HSPA12A: variants seen among roughly 807,000 people sequenced by gnomAD.
HSPA12A encodes heat shock protein family A (Hsp70) member 12A, also known as heat shock 70 kDa protein 12A.
Under a neutral mutation model 69.2 loss-of-function variants are expected in HSPA12A, and 28 were observed. That is an observed-to-expected ratio of 0.40 (90% CI 0.30 to 0.55). The LOEUF (loss-of-function observed/expected upper bound fraction) is 0.55, where lower values mean the gene tolerates loss of function less well. HSPA12A is among the 20% of genes least tolerant of loss of function. The probability of loss-of-function intolerance (pLI) is 0.38; values close to 1 mark genes in which losing one functional copy is unlikely to be tolerated. For missense variants in HSPA12A, 686 were observed against 900.7 expected (o/e 0.76, Z 3.05); for synonymous variants, 345 against 370.5 (o/e 0.93, Z 0.79).
At chr10:116,683,101 T>G (rs540971682) in intron 7 of HSPA12A, among the ~76,000 whole-genome samples, 4 of 151,756 alleles carry the variant, frequency 2.6e-5, no homozygotes, top group Non-Finnish European at 5.9e-5. Context: ...CCCATAGTGC[T>G]CTCACTTAGC....
At chr10:116,771,999 A>G (rs755189339) in intron 2 of HSPA12A, among the ~76,000 whole-genome samples, 23 of 152,200 alleles carry the variant, frequency 1.5e-4, no homozygotes, top group Non-Finnish European at 2.1e-4. Context: ...CCACATTTCC[A>G]GGTGAGCTAC....
chr10:116,844,735 G>A (rs1845852335), intron 1 of HSPA12A, among the ~76,000 whole-genome samples: 1 of 152,126 alleles, frequency 6.6e-6, no homozygotes, highest in African/African-American at 2.4e-5. Context: ...TCAAGTGTGG[G>A]AAAGAAGAAT....
At chr10:116,740,399 A>G (rs895031943) in intron 1 of HSPA12A, among the ~76,000 whole-genome samples, 1 of 152,184 alleles carries the variant, frequency 6.6e-6, no homozygotes, top group Non-Finnish European at 1.5e-5. Flanking sequence ...CACATCCTCC[A>G]TTTTACAGAT....
chr10:116,798,617 C>T (rs948461492), intron 2 of HSPA12A, among the ~76,000 whole-genome samples: 3 of 152,112 alleles, frequency 2.0e-5, no homozygotes, highest in African/African-American at 7.2e-5. Context: ...TGCTCACACC[C>T]TCAGGCCCTG....
intron 3 of HSPA12A, among the ~76,000 whole-genome samples, chr10:116,703,832 C>A (rs1483648279): frequency 1.3e-5 from 2 of 152,196 alleles, no homozygotes; most frequent in African/African-American, 4.8e-5. Flanking sequence ...CAGAGTGCAT[C>A]CCAGGAGGCC....
intron 1 of HSPA12A, 142 bp downstream of exon 1, chr10:116,742,288 G>A (rs1851537835): frequency 1.1e-6 from 1 of 916,936 alleles, no homozygotes; most frequent in Non-Finnish European, 1.4e-6. Flanking sequence ...GCTGACCCCG[G>A]CCCCGCCCGC....
chr10:116,777,108 C>T (rs1413090658), intron 2 of HSPA12A, among the ~76,000 whole-genome samples: 1 of 152,314 alleles, frequency 6.6e-6, no homozygotes, highest in African/African-American at 2.4e-5. Flanking sequence ...GCCAGCCAGG[C>T]TGGAGGGGCG....
chr10:116,837,361 A>G (rs1470243334), intron 1 of HSPA12A, among the ~76,000 whole-genome samples: 1 of 152,204 alleles, frequency 6.6e-6, no homozygotes, highest in Non-Finnish European at 1.5e-5. Context: ...CCAATCTGGG[A>G]ACAAAGCTCA....
intron 7 of HSPA12A, 137 bp downstream of exon 7, chr10:116,683,654 C>G: frequency 1.2e-6 from 1 of 849,414 alleles, no homozygotes; most frequent in Non-Finnish European, 1.7e-6. Context: ...CAGAGAGGTG[C>G]TTAAAGCCCA....
intron 1 of HSPA12A, among the ~76,000 whole-genome samples, chr10:116,722,084 A>T (rs113272625): frequency 3.9e-5 from 6 of 152,284 alleles, no homozygotes; most frequent in African/African-American, 7.2e-5. Flanking sequence ...TGCCCCACAG[A>T]CCTGTCCCTC....
At chr10:116,757,983 G>C (rs1554888953) in intron 2 of HSPA12A, among the ~76,000 whole-genome samples, 1 of 152,220 alleles carries the variant, frequency 6.6e-6, no homozygotes, top group Non-Finnish European at 1.5e-5. Flanking sequence ...TGCATAGTAA[G>C]ATGACAAGTG....
intron 9 of HSPA12A, among the ~76,000 whole-genome samples, chr10:116,680,158 T>G (rs532869554): frequency 3.3e-5 from 5 of 152,070 alleles, no homozygotes; most frequent in African/African-American, 1.2e-4. Context: ...CCCGGCTAAT[T>G]TTTGTATTTT....
At chr10:116,726,128 C>G (rs575811004) in intron 1 of HSPA12A, among the ~76,000 whole-genome samples, 1 of 151,978 alleles carries the variant, frequency 6.6e-6, no homozygotes, top group Non-Finnish European at 1.5e-5. Flanking sequence ...GCTGGCTGGT[C>G]TTCCCTCCCA....
intron 2 of HSPA12A, among the ~76,000 whole-genome samples, chr10:116,782,904 C>T (rs1311470521): frequency 6.6e-6 from 1 of 152,116 alleles, no homozygotes; most frequent in African/African-American, 2.4e-5. Flanking sequence ...GGCAACATAC[C>T]AAGCCCAGGA....
At chr10:116,703,780 AG>A (rs1359218532) in intron 3 of HSPA12A, among the ~76,000 whole-genome samples, 1 of 152,202 alleles carries the variant, frequency 6.6e-6, no homozygotes, top group African/African-American at 2.4e-5. Context: ...CGGGGCCTGC[AG>A]GGTGCTGGGT....
At chr10:116,742,251 C>G (rs1203051472) in intron 1 of HSPA12A, among the ~76,000 whole-genome samples, 179 bp downstream of exon 1, 4 of 151,796 alleles carry the variant, frequency 2.6e-5, no homozygotes, top group African/African-American at 9.6e-5. Flanking sequence ...TCCGGTCCAC[C>G]GGACCCCGGC....
At chr10:116,741,931 G>A (rs1851521404) in intron 1 of HSPA12A, among the ~76,000 whole-genome samples, 2 of 152,184 alleles carry the variant, frequency 1.3e-5, no homozygotes, top group Non-Finnish European at 2.9e-5. Flanking sequence ...GGGGTGGGAT[G>A]GGGCGAGGGA....
At chr10:116,714,228 G>A (rs1850538996) in intron 1 of HSPA12A, among the ~76,000 whole-genome samples, 1 of 152,084 alleles carries the variant, frequency 6.6e-6, no homozygotes, top group Non-Finnish European at 1.5e-5. Flanking sequence ...GTGTCAGGGA[G>A]TTCTTTCCCA....
chr10:116,803,031 T>C (rs959943465), intron 2 of HSPA12A, among the ~76,000 whole-genome samples: 19 of 144,994 alleles, frequency 1.3e-4, no homozygotes, highest in African/African-American at 4.7e-4. Context: ...AAATAAAGCA[T>C]GTTTGGAGTA....
Sources: allele counts gnomAD v4.1 joint callset (sites outside exome capture counted in the v4.1 genomes callset), GRCh38; gene constraint gnomAD v4.1.1; transcripts MANE v1.5; gene names NCBI Gene and HGNC (gene_info 2026-07-23, HGNC 2026-07-21).